The following SUSD1 variants were observed in gnomAD, a reference collection of about 807,000 sequenced individuals.
SUSD1 encodes sushi domain-containing protein 1.
Under a neutral mutation model 86.9 loss-of-function variants are expected in SUSD1, and 65 were observed. The ratio of observed to expected loss-of-function variants is 0.75; its 90% CI spans 0.61 to 0.92. The LOEUF (loss-of-function observed/expected upper bound fraction) is 0.92, where lower values mean the gene tolerates loss of function less well. Among genes scored for constraint, SUSD1 ranks in the 40% least tolerant of loss-of-function variants. The pLI is 0.00. For missense variants in SUSD1, 850 were observed against 929.7 expected (o/e 0.91, Z 1.11); for synonymous variants, 346 against 350.0 (o/e 0.99, Z 0.13).
At chr9:112,115,820 A>AAG (rs1564308837) in intron 6 of SUSD1, among the ~76,000 whole-genome samples, 3 of 19,728 alleles carry the variant, frequency 1.5e-4, no homozygotes, top group African/African-American at 4.5e-4. Flanking sequence ...AAAAAAAAAA[A>AAG]AAAGAAAAAA....
chr9:112,078,561 A>T lies in SUSD1; in HGVS notation c.1730T>A (p.Ile577Asn). 6.2e-7 allele frequency: 1 copy of T among 1,611,412 alleles called. No individual in the cohort carries two copies. The highest frequency in any genetic ancestry group is 2.2e-5 in the East Asian group (1 of 44,814). The change falls in exon 12 of 17, where the codon ATC becomes AAC. Residue 577 changes from isoleucine to asparagine, a missense_variant. Physicochemically the swap from Ile to Asn is moderately radical, Grantham distance 149 (BLOSUM62 -3). Transcript: ENST00000374270. ...RALSSELPVVISLTTQITEPP... is the reference protein window; with the variant it reads ...RALSSELPVVNSLTTQITEPP... ...ACCTGTTATCTGGGTTGTCAGGGAG[A>T]TGACCACAGGAAGTTCCGAAGACAG...
chr9:112,165,772 T>C (rs986191582), intron 1 of SUSD1, among the ~76,000 whole-genome samples: 3 of 129,336 alleles, frequency 2.3e-5, no homozygotes, highest in African/African-American at 8.8e-5. Flanking sequence ...TTAGATGAGA[T>C]ACACACATCA....
In SUSD1 at chr9:112,096,690, C is replaced by T. The variant is rs117725425; in HGVS notation, c.1474+1780G>A. On this transcript the variant is annotated intron_variant, in intron 10 of 16. Coordinates refer to ENST00000374270, the MANE Select transcript of SUSD1 (RefSeq NM_022486.5). ...AAGTAGCTGGGACCACAGGCTTATG[C>T]CACCACACCCAGCTAATTTTTGTAT... 5.6e-3 allele frequency among the ~76,000 whole-genome samples: 848 copies of T among 152,196 alleles called. 5 individuals are homozygous for T. The highest frequency in any genetic ancestry group is 0.02 in the Middle Eastern group (6 of 294).
In SUSD1 at chr9:112,102,198, A is replaced by G; in HGVS notation, c.1259T>C (p.Val420Ala). ...CLKLNRRSRK[V>A]GSEHMYQFTV... Reference sequence around the variant, plus strand: ...TACTTGGTACATGTGTTCTGATCCAACTTTCCTAGAACGCCTGTTCAATTT... The same window carrying G: ...TACTTGGTACATGTGTTCTGATCCAGCTTTCCTAGAACGCCTGTTCAATTT... The change falls in exon 9 of 17, where the codon GTT becomes GCT. Residue 420 changes from valine (V) to alanine (A), a missense_variant. Physicochemically the swap from Val to Ala is moderately conservative, Grantham distance 64. Coordinates refer to ENST00000374270, the MANE Select transcript of SUSD1 (RefSeq NM_022486.5). The G allele has an allele frequency of 6.3e-7, 1 of 1,597,232 alleles. No individual in the cohort carries two copies. Among genetic ancestry groups the G allele is most frequent in the Non-Finnish European group, 8.5e-7 (1 of 1,171,914 alleles).
At position 112,175,080 on chromosome 9, in the gene SUSD1, G is replaced by A. The variant is rs1834217720; in HGVS notation, c.103+53C>T. On this transcript the variant is annotated intron_variant, in intron 1 of 16. Transcript: ENST00000374270. This position sits in a 1 kb window ranked among gnomAD's most constrained non-coding sequence, Gnocchi z 4.7. ...GCGTCCGTGCGCCCAGAGTCCTCGA[G>A]GCCCAGCCGGGGGCCCCGCCGGCCG... The A allele has an allele frequency of 3.0e-6, 3 of 1,000,220 alleles. No individual in the cohort carries two copies. The South Asian group carries it at 1.4e-4, about 46-fold the overall frequency. 62.0% of individuals were successfully genotyped at this position (1,000,220 alleles called of 1,614,324 possible).
At position 112,102,316 on chromosome 9, in the gene SUSD1, C is replaced by T. The variant is rs1408876444; in HGVS notation, c.1172-31G>A. ...AGACAAGAGAGAGAGTTATAGACAG[C>T]TTGCACCATCTTAGCAAAATGCATC... is the stretch of plus-strand genomic sequence containing the variant. On this transcript the variant is annotated intron_variant, in intron 8 of 16. Coordinates refer to ENST00000374270, the MANE Select transcript of SUSD1 (RefSeq NM_022486.5). 5 of 1,266,442 alleles carry T rather than the reference C, an allele frequency of 3.9e-6. No homozygotes were observed. The African/African-American group carries it at 6.1e-5, about 15-fold the overall frequency. 78.5% of individuals were successfully genotyped at this position (1,266,442 alleles called of 1,614,324 possible). A position where few individuals can be genotyped will look rare whatever the true frequency, so the allele number is the denominator to read the frequency against.
chr9:112,099,928 C>T (rs1046439109), intron 9 of SUSD1, among the ~76,000 whole-genome samples: 1 of 152,170 alleles, frequency 6.6e-6, no homozygotes, highest in Admixed American at 6.5e-5. Flanking sequence ...TCTTTGAGCT[C>T]AATGCTATGA....
At chr9:112,114,023 T>C (rs1831209784) in intron 6 of SUSD1, among the ~76,000 whole-genome samples, 1 of 152,162 alleles carries the variant, frequency 6.6e-6, no homozygotes, top group Admixed American at 6.5e-5. Context: ...CTTCTATATA[T>C]AAAACTCTAA....
Position 112,098,584 on chromosome 9 carries a change from C to CT in SUSD1, c.1359dup (p.Val454SerfsTer13). The CT allele has an allele frequency of 6.2e-7, 1 of 1,614,202 alleles. No individual in the cohort carries two copies. The highest frequency in any genetic ancestry group is 8.5e-7 in the Non-Finnish European group (1 of 1,180,036). On this transcript the variant is annotated frameshift_variant, in exon 10 of 17. Coordinates refer to ENST00000374270, the MANE Select transcript of SUSD1 (RefSeq NM_022486.5). LOFTEE classifies it high-confidence loss of function. ...TACAGATCCAAACACACTACAGGCA[C>CT]TTGTTCCCTCGTTGTGAAGTTAAAC...
chr9:112,128,696 T>A (rs916299636), intron 5 of SUSD1, among the ~76,000 whole-genome samples: 1 of 152,288 alleles, frequency 6.6e-6, no homozygotes, highest in Middle Eastern at 3.4e-3. Flanking sequence ...TCTGAAGAAA[T>A]GACACATACA....
At chr9:112,137,193 A>T (rs962929409) in intron 5 of SUSD1, among the ~76,000 whole-genome samples, 1 of 152,182 alleles carries the variant, frequency 6.6e-6, no homozygotes, top group Non-Finnish European at 1.5e-5. Context: ...CTATTAATGG[A>T]CTTTGGAAAC....
intron 14 of SUSD1, among the ~76,000 whole-genome samples, chr9:112,055,405 A>C (rs1214855553): frequency 6.6e-6 from 1 of 152,100 alleles, no homozygotes; most frequent in Admixed American, 6.6e-5. Flanking sequence ...TCAGCCTGGT[A>C]AACAAAGTGA....
chr9:112,173,670 C>T (rs992345291), intron 1 of SUSD1: 4 of 450,680 alleles, frequency 8.9e-6, no homozygotes, highest in East Asian at 5.8e-5. Context: ...GGCACGAGCA[C>T]GTTTCCCAAG....
Position 112,058,451 on chromosome 9 carries a change from G to A in SUSD1, c.2086C>T (p.Arg696Ter), listed in dbSNP as rs200062684. The A allele has an allele frequency of 1.4e-4, 220 of 1,613,956 alleles. No homozygotes were observed. Among genetic ancestry groups the A allele is most frequent in the Admixed American group, 2.5e-4 (15 of 59,996 alleles). The stretch of plus-strand genomic sequence containing the variant: ...ACCTTATTCCATTCACTTGTGATTC[G>A]TAATATAATGCAGTAATCACTCCCT... ...KRGSDYCIIL[R>*]ITSEWNKVRR... The change falls in exon 14 of 17, where the codon CGA becomes TGA. Residue 696 changes from arginine to a stop codon, truncating the protein, a stop_gained. Transcript: ENST00000374270. LOFTEE classifies it high-confidence loss of function.
chr9:112,120,493 A>G (rs1263615820), intron 6 of SUSD1, among the ~76,000 whole-genome samples: 1 of 152,186 alleles, frequency 6.6e-6, no homozygotes, highest in Non-Finnish European at 1.5e-5. Context: ...CTGTACCATG[A>G]ATTAATCAGC....
intron 15 of SUSD1, among the ~76,000 whole-genome samples, chr9:112,046,839 A>G (rs996481581): frequency 1.3e-5 from 2 of 152,240 alleles, no homozygotes; most frequent in African/African-American, 4.8e-5. Flanking sequence ...AAACTAATTT[A>G]AAGATAAGTT....
chr9:112,089,571 G>A (rs1377465044), intron 10 of SUSD1, among the ~76,000 whole-genome samples: 2 of 152,124 alleles, frequency 1.3e-5, no homozygotes, highest in Non-Finnish European at 2.9e-5. Flanking sequence ...TGTAATCCCA[G>A]CACTTTGGGA....
chr9:112,103,599 T>C (rs1830714738), intron 8 of SUSD1, among the ~76,000 whole-genome samples: 1 of 152,196 alleles, frequency 6.6e-6, no homozygotes, highest in South Asian at 2.1e-4. Context: ...AAGATGGCAA[T>C]GTGAACAAAG....
intron 15 of SUSD1, among the ~76,000 whole-genome samples, chr9:112,046,534 T>C (rs115498695): frequency 0.015 from 2,284 of 152,280 alleles, 60 homozygotes; most frequent in African/African-American, 0.052. Context: ...CTTTAACCCC[T>C]TCCCTGATAG....
Sources: gnomAD v4.1 joint callset for allele counts (sites outside exome capture counted in the v4.1 genomes callset) on GRCh38, gnomAD v4.1.1 for gene constraint, Gnocchi (gnomAD v3.1) non-coding constraint, MANE v1.5 for transcripts, NCBI Gene and HGNC (gene_info 2026-07-23, HGNC 2026-07-21) for gene names.